ZBTB1: variants seen among roughly 807,000 people sequenced by gnomAD.
ZBTB1 encodes zinc finger and BTB domain containing 1.
Under a neutral mutation model 51.6 loss-of-function variants are expected in ZBTB1, and 13 were observed. The observed-to-expected ratio is 0.25, with a 90% CI of 0.16 to 0.40. The LOEUF (loss-of-function observed/expected upper bound fraction) is 0.40. ZBTB1 is among the 10% of genes least tolerant of loss of function. The pLI is 1.00. For synonymous variants in ZBTB1, 240 were observed against 282.2 expected (o/e 0.85, Z 1.50); for missense variants, 567 against 856.5 (o/e 0.66, Z 4.22).
chr14:64,515,443 T>C (rs1195337450), intron 1 of ZBTB1, among the ~76,000 whole-genome samples: 1 of 151,688 alleles, frequency 6.6e-6, no homozygotes, highest in Non-Finnish European at 1.5e-5. Context: ...AATAAAGAGG[T>C]CAAAAAAATG....
At chr14:64,511,265 G>C (rs1330940678) in intron 1 of ZBTB1, 1 of 152,268 alleles carries the variant, frequency 6.6e-6, no homozygotes, top group Non-Finnish European at 1.5e-5. Flanking sequence ...CTGGTGGTCA[G>C]AAGATGCTGT....
At chr14:64,532,536 T>A (rs954627186) in exon 3 of ZBTB1, 2 of 152,138 alleles carry the variant, frequency 1.3e-5, no homozygotes, top group Admixed American at 1.3e-4. Flanking sequence ...TCTTGATCAT[T>A]TATATGAATG....
chr14:64,520,169 T>A (rs1191639490), intron 1 of ZBTB1, among the ~76,000 whole-genome samples: 1 of 151,770 alleles, frequency 6.6e-6, no homozygotes, highest in Non-Finnish European at 1.5e-5. Flanking sequence ...GCCTGGCTAA[T>A]TTTTTTTGTA....
chr14:64,531,911 G>C, exon 3 of ZBTB1: 3 of 1,613,516 alleles, frequency 1.9e-6, no homozygotes, highest in Non-Finnish European at 2.5e-6. Flanking sequence ...ATCTGAATTT[G>C]GAGAGGACAT....
intron 1 of ZBTB1, chr14:64,505,186 A>G (rs1304014748): frequency 3.1e-6 from 1 of 325,896 alleles, no homozygotes; most frequent in Non-Finnish European, 5.5e-6. Flanking sequence ...CCCTACGGAG[A>G]CTAGTTCCCA....
In ZBTB1 at chr14:64,504,858, G is replaced by A; in HGVS notation, c.-107G>A. ...CCGCGCGCCGCCGCCACTGCAGCTCGCGGCCCCTTCGCCTTCGCCCGCCTT... is the reference window on the plus strand; with the variant it reads ...CCGCGCGCCGCCGCCACTGCAGCTCACGGCCCCTTCGCCTTCGCCCGCCTT... On this transcript the variant is annotated 5_prime_UTR_variant, in exon 1 of 2. Transcript: ENST00000683701. 5.0e-6 allele frequency: 2 copies of A among 396,984 alleles called. No individual in the cohort carries two copies. Among genetic ancestry groups the A allele is most frequent in the Non-Finnish European group, 8.9e-6 (2 of 225,272 alleles). 24.6% of individuals were successfully genotyped at this position (396,984 alleles called of 1,614,324 possible).
downstream of ZBTB1, among the ~76,000 whole-genome samples, chr14:64,526,686 C>T (rs973344206): frequency 3.9e-5 from 6 of 152,122 alleles, no homozygotes; most frequent in African/African-American, 1.4e-4. Flanking sequence ...TAGAGCACAA[C>T]CAAGGCAGCA....
At chr14:64,530,434 C>A (rs765210522) in intron 2 of ZBTB1, among the ~76,000 whole-genome samples, 1 of 151,922 alleles carries the variant, frequency 6.6e-6, no homozygotes, top group African/African-American at 2.4e-5. Context: ...CATGATGAAA[C>A]CTCTCTACTA....
exon 3 of ZBTB1, chr14:64,531,968 G>A: frequency 6.4e-7 from 1 of 1,567,004 alleles, no homozygotes; most frequent in Non-Finnish European, 8.7e-7. Flanking sequence ...ACAGACCCAG[G>A]AATATCAGAT....
chr14:64,532,053 A>G, exon 3 of ZBTB1: 4 of 775,344 alleles, frequency 5.2e-6, no homozygotes, highest in Non-Finnish European at 6.1e-6. Context: ...CAAAGATCCA[A>G]GAAAACTCAG....
rs982476672 is a variant in ZBTB1 at position 64,523,930 on chromosome 14, T to G, written c.*284T>G. The G allele has an allele frequency of 1.9e-6, 2 of 1,074,952 alleles. No individual in the cohort carries two copies. The highest frequency in any genetic ancestry group is 3.3e-5 in the African/African-American group (2 of 59,988). 66.6% of individuals were successfully genotyped at this position (1,074,952 alleles called of 1,614,324 possible). A position where few individuals can be genotyped will look rare whatever the true frequency, so the allele number is the denominator to read the frequency against. ...AAGTGGTTGTTACCCATTCAATGAC[T>G]ATTAAACTTTAGTTTTTCATCAATA... is the stretch of plus-strand genomic sequence containing the variant. On this transcript the variant is annotated 3_prime_UTR_variant, in exon 2 of 2. Coordinates refer to ENST00000683701, the MANE Select transcript of ZBTB1 (RefSeq NM_001123329.2). The surrounding 1 kb of genome is among the most constrained non-coding windows in gnomAD (Gnocchi z 4.5).
intron 1 of ZBTB1, among the ~76,000 whole-genome samples, chr14:64,513,833 G>A (rs1444453460): frequency 6.6e-6 from 1 of 152,014 alleles, no homozygotes; most frequent in Non-Finnish European, 1.5e-5. Context: ...GCTGATTTTT[G>A]TATTTTTGTA....
rs1190331148 is a variant in ZBTB1 at position 64,523,013 on chromosome 14, G to A, written c.1509G>A (p.Met503Ile). 1.9e-6 allele frequency: 3 copies of A among 1,614,186 alleles called. No homozygotes were observed. Among genetic ancestry groups the A allele is most frequent in the Admixed American group, 3.3e-5 (2 of 60,022 alleles). Residue 503 changes from methionine to isoleucine, a missense_variant, in exon 2 of 2, where the codon ATG becomes ATA. By Grantham distance (10) the Met-to-Ile change is conservative (BLOSUM62 1). Coordinates refer to ENST00000683701, the MANE Select transcript of ZBTB1 (RefSeq NM_001123329.2). This position sits in a 1 kb window ranked among gnomAD's most constrained non-coding sequence, Gnocchi z 4.5. ...NPDEQSEIRD[M>I]FVEMLDDFRD... ...ATGAGCAGTCCGAAATAAGAGATAT[G>A]TTTGTTGAAATGCTGGATGATTTTA... is the stretch of plus-strand genomic sequence containing the variant.
At chr14:64,517,510 T>G (rs2079798961) in intron 1 of ZBTB1, among the ~76,000 whole-genome samples, 1 of 152,022 alleles carries the variant, frequency 6.6e-6, no homozygotes, top group Non-Finnish European at 1.5e-5. Context: ...CTCTATAGTT[T>G]ATTATTTATT....
At chr14:64,510,036 C>T (rs2079708792) in intron 1 of ZBTB1, among the ~76,000 whole-genome samples, 1 of 152,000 alleles carries the variant, frequency 6.6e-6, no homozygotes, top group Non-Finnish European at 1.5e-5. Flanking sequence ...GGTAATCCCT[C>T]CCATCATCAT....
At chr14:64,526,909 G>A (rs980105055), downstream of ZBTB1, among the ~76,000 whole-genome samples, 33 of 152,000 alleles carry the variant, frequency 2.2e-4, no homozygotes, top group African/African-American at 8.0e-4. Flanking sequence ...GCAGGGCATG[G>A]TGGCATGCAG....
At chr14:64,512,803 G>T (rs1241704338) in intron 1 of ZBTB1, among the ~76,000 whole-genome samples, 1 of 152,108 alleles carries the variant, frequency 6.6e-6, no homozygotes, top group Non-Finnish European at 1.5e-5. Context: ...GAAGTTTCAA[G>T]GAGAAACCTA....
At chr14:64,517,781 A>ATATATATATATATTTTTTT (rs1160337478) in intron 1 of ZBTB1, among the ~76,000 whole-genome samples, 1 of 41,562 alleles carries the variant, frequency 2.4e-5, no homozygotes, top group East Asian at 7.8e-4. Flanking sequence ...ATATATATAT[A>ATATATATATATATTTTTTT]TTTTTTTTTT....
Position 64,523,887 on chromosome 14 carries a change from T to A in ZBTB1, c.*241T>A, listed in dbSNP as rs1226710298. 2.5e-6 allele frequency: 3 copies of A among 1,191,956 alleles called. No individual in the cohort carries two copies. The highest frequency in any genetic ancestry group is 3.2e-6 in the Non-Finnish European group (3 of 951,186). 73.8% of individuals were successfully genotyped at this position (1,191,956 alleles called of 1,614,324 possible). ...TAGTTTTTCTTAGCTATGATTAAAA[T>A]TTTTAAATGTAGACTACAAGTGGTT... On this transcript the variant is annotated 3_prime_UTR_variant, in exon 2 of 2. Coordinates refer to ENST00000683701, the MANE Select transcript of ZBTB1 (RefSeq NM_001123329.2). This position sits in a 1 kb window ranked among gnomAD's most constrained non-coding sequence, Gnocchi z 4.5.
Sources: allele counts gnomAD v4.1 joint callset (sites outside exome capture counted in the v4.1 genomes callset), GRCh38; gene constraint gnomAD v4.1.1; non-coding constraint Gnocchi (gnomAD v3.1); transcripts MANE v1.5; gene names NCBI Gene and HGNC (gene_info 2026-07-23, HGNC 2026-07-21).